ZCWPW2: variants seen among roughly 807,000 people sequenced by gnomAD.
The protein encoded by ZCWPW2 is zinc finger CW-type and PWWP domain containing 2, also known as zinc finger CW-type PWWP domain protein 2.
ZCWPW2 carries 45 observed loss-of-function variants against 46.6 expected under a neutral mutation model. The ratio of observed to expected loss-of-function variants is 0.96; its 90% CI spans 0.76 to 1.24. The LOEUF is 1.24. Ranked by LOEUF, ZCWPW2 falls within the 50% of genes most tolerant of loss-of-function variation. The pLI is 0.00. For missense variants in ZCWPW2, 429 were observed against 403.9 expected, an observed-to-expected ratio of 1.06 and a Z score of -0.53; for synonymous variants, 152 against 137.1, an observed-to-expected ratio of 1.11 and a Z score of -0.76.
intron 1 of ZCWPW2, among the ~76,000 whole-genome samples, chr3:28,361,267 A>C (rs561119506): frequency 7.9e-5 from 12 of 152,346 alleles, no homozygotes; most frequent in African/African-American, 2.9e-4. Flanking sequence ...CCAGAACTAC[A>C]TAATAGGTAA....
At chr3:28,379,228 G>T (rs1705592633) in intron 1 of ZCWPW2, among the ~76,000 whole-genome samples, 1 of 152,152 alleles carries the variant, frequency 6.6e-6, no homozygotes, top group Non-Finnish European at 1.5e-5. Context: ...AAGCTTTTAT[G>T]TATTTGGATG....
At chr3:28,509,596 C>T (rs1700372737) in intron 6 of ZCWPW2, among the ~76,000 whole-genome samples, 1 of 152,056 alleles carries the variant, frequency 6.6e-6, no homozygotes, top group Admixed American at 6.6e-5. Context: ...TATTAAGCAT[C>T]TTTTTGTGTG....
At chr3:28,457,842 AGT>A (rs1339919872) in intron 4 of ZCWPW2, among the ~76,000 whole-genome samples, 2 of 152,204 alleles carry the variant, frequency 1.3e-5, no homozygotes, top group African/African-American at 4.8e-5. Flanking sequence ...AACTGTACAC[AGT>A]GTTTTTATTC....
chr3:28,413,987 C>T (rs1309653185), intron 3 of ZCWPW2, among the ~76,000 whole-genome samples: 1 of 151,918 alleles, frequency 6.6e-6, no homozygotes, highest in East Asian at 1.9e-4. Context: ...TCCAATATTT[C>T]CCATTCTAGG....
chr3:28,386,068 T>A (rs1432878851), intron 1 of ZCWPW2, among the ~76,000 whole-genome samples: 1 of 152,172 alleles, frequency 6.6e-6, no homozygotes, highest in Non-Finnish European at 1.5e-5. Flanking sequence ...TTGATTGTTA[T>A]AAACTGAATG....
chr3:28,399,288 A>C (rs1250702468), intron 2 of ZCWPW2, among the ~76,000 whole-genome samples: 1 of 152,046 alleles, frequency 6.6e-6, no homozygotes, highest in Non-Finnish European at 1.5e-5. Flanking sequence ...GACCCACCCA[A>C]GGAGAGTCTG....
chr3:28,491,983 G>T, intron 5 of ZCWPW2, 144 bp from the exon 6 acceptor site: 1 of 726,140 alleles, frequency 1.4e-6, no homozygotes, highest in Non-Finnish European at 2.3e-6. Flanking sequence ...CAGTTTACTA[G>T]CATATTAATT....
At position 28,378,161 on chromosome 3, in the gene ZCWPW2, A is replaced by G. The variant is rs142566716; in HGVS notation, c.-133-12337A>G. Among the ~76,000 whole-genome samples the G allele has an allele frequency of 2.5e-3, 387 of 152,182 alleles. 1 individual carries two copies. Among genetic ancestry groups the G allele is most frequent in the African/African-American group, 8.4e-3 (350 of 41,566 alleles). On this transcript the variant is annotated intron_variant, in intron 1 of 9. Coordinates refer to ENST00000383768, the MANE Select transcript of ZCWPW2 (RefSeq NM_001040432.4). The stretch of plus-strand genomic sequence containing the variant: ...ATACAGGCTCTTAATAAATTTTTGT[A>G]GGATCATTAAGTATAGGGTTGACAT...
intron 6 of ZCWPW2, among the ~76,000 whole-genome samples, chr3:28,501,687 T>C (rs1700147947): frequency 6.6e-6 from 1 of 152,290 alleles, no homozygotes; most frequent in South Asian, 2.1e-4. Context: ...GAAAGTTTCC[T>C]CATGTAAATT....
intron 2 of ZCWPW2, among the ~76,000 whole-genome samples, chr3:28,412,472 A>T (rs1447493765): frequency 1.3e-5 from 2 of 152,082 alleles, no homozygotes; most frequent in Non-Finnish European, 2.9e-5. Context: ...CATGCAATAT[A>T]TATACTCAAG....
intron 9 of ZCWPW2, 151 bp from the exon 10 acceptor site, chr3:28,524,376 A>C (rs1171831872): frequency 3.0e-6 from 2 of 668,534 alleles, no homozygotes; most frequent in Non-Finnish European, 4.9e-6. Flanking sequence ...TTCATCCTGC[A>C]TTATACTATA....
At position 28,478,804 on chromosome 3, in the gene ZCWPW2, A is replaced by G. The variant is rs769533754; in HGVS notation, c.493-10A>G. On this transcript the variant is annotated splice_polypyrimidine_tract_variant and intron_variant, in intron 4 of 9. Coordinates refer to ENST00000383768, the MANE Select transcript of ZCWPW2 (RefSeq NM_001040432.4). The stretch of plus-strand genomic sequence containing the variant: ...AAATGAATTTTTTTCTTTTTTCTGT[A>G]TTTATATAGCCAGAAAAGTGTAAGA... 2.1e-6 allele frequency: 3 copies of G among 1,450,890 alleles called. No individual in the cohort carries two copies. The highest frequency in any genetic ancestry group is 2.5e-5 in the Admixed American group (1 of 40,426). 89.9% of individuals were successfully genotyped at this position (1,450,890 alleles called of 1,614,324 possible).
intron 5 of ZCWPW2, among the ~76,000 whole-genome samples, chr3:28,487,399 G>C (rs961875146): frequency 6.6e-6 from 1 of 152,008 alleles, no homozygotes; most frequent in African/African-American, 2.4e-5. Flanking sequence ...ACTGATGAGC[G>C]CATAAAACAC....
At chr3:28,359,276 GT>G (rs1704849813) in intron 1 of ZCWPW2, among the ~76,000 whole-genome samples, 1 of 151,582 alleles carries the variant, frequency 6.6e-6, no homozygotes, top group Non-Finnish European at 1.5e-5. Context: ...AAATATAACT[GT>G]TTTTTGACAA....
At chr3:28,431,502 A>T (rs971110885) in intron 3 of ZCWPW2, among the ~76,000 whole-genome samples, 6 of 151,748 alleles carry the variant, frequency 4.0e-5, no homozygotes, top group African/African-American at 1.5e-4. Flanking sequence ...TCTTCTCCTT[A>T]TAAGGAGACC....
rs1052767433 is a variant in ZCWPW2 at position 28,403,228 on chromosome 3, G to T, written c.-13-9828G>T. ...CAGGATACAGAATTAATGTACACAA[G>T]TCAGCAGCTCTTCTATACACCAACA... On this transcript the variant is annotated intron_variant, in intron 2 of 9. Transcript: ENST00000383768. Among the ~76,000 whole-genome samples, 39 of 152,048 alleles carry T rather than the reference G, an allele frequency of 2.6e-4. 1 individual carries two copies. The highest frequency in any genetic ancestry group is 1.3e-4 in the Admixed American group (2 of 15,268).
intron 3 of ZCWPW2, among the ~76,000 whole-genome samples, chr3:28,414,042 CAA>C (rs1490637372): frequency 6.6e-6 from 1 of 151,936 alleles, no homozygotes; most frequent in Non-Finnish European, 1.5e-5. Flanking sequence ...TATATAACTT[CAA>C]GTCTTATTTT....
intron 1 of ZCWPW2, among the ~76,000 whole-genome samples, chr3:28,349,732 T>C (rs180946239): frequency 6.6e-5 from 10 of 151,492 alleles, no homozygotes; most frequent in Non-Finnish European, 5.9e-5. Context: ...AATAAACAAA[T>C]AAACAAGGAA....
chr3:28,363,086 G>GA (rs903131031), intron 1 of ZCWPW2, among the ~76,000 whole-genome samples: 41 of 151,262 alleles, frequency 2.7e-4, no homozygotes, highest in African/African-American at 9.0e-4. Context: ...GAGAGGTTCA[G>GA]AAAAAAAACA....
Sources: allele counts gnomAD v4.1 joint callset (sites outside exome capture counted in the v4.1 genomes callset), GRCh38; gene constraint gnomAD v4.1.1; transcripts MANE v1.5; gene names NCBI Gene and HGNC (gene_info 2026-07-23, HGNC 2026-07-21).